Variants in TOPBP1 observed in about 807,000 individuals in gnomAD.
TOPBP1 encodes the protein DNA topoisomerase II binding protein 1, also known as DNA topoisomerase 2-binding protein 1.
In TOPBP1, 28 loss-of-function variants were observed where a neutral mutation model predicts 167.7. That is an observed-to-expected ratio of 0.17 (90% CI 0.12 to 0.23). The LOEUF is 0.23. TOPBP1 is among the 10% of genes least tolerant of loss of function. TOPBP1 has a pLI of 1.00. For synonymous variants in TOPBP1, 598 were observed against 611.4 expected, an observed-to-expected ratio of 0.98 and a Z score of 0.32; for missense variants, 1,554 against 1,809.6, an observed-to-expected ratio of 0.86 and a Z score of 2.56.
chr3:133,617,188 G>C lies in TOPBP1; in HGVS notation c.3731C>G (p.Pro1244Arg), dbSNP rs760050979. The change falls in exon 22 of 28, where the codon CCC becomes CGC. Residue 1244 changes from proline to arginine, a missense_variant. Transcript: ENST00000260810. The stretch of plus-strand genomic sequence containing the variant: ...TTCTCTAGGGTGCGGAGCCACAGGG[G>C]GGTTGGCGAGTGGAAAGGCAATACT... ...APSIAFPLAN[P>R]PVAPHPREKI... 1.9e-6 allele frequency: 3 copies of C among 1,613,360 alleles called. No individual in the cohort carries two copies. Among genetic ancestry groups the C allele is most frequent in the East Asian group, 4.5e-5 (2 of 44,864 alleles).
At position 133,656,666 on chromosome 3, in the gene TOPBP1, T is replaced by A. The variant is rs780198069; in HGVS notation, c.545+10A>T. 3 of 1,576,038 alleles carry A rather than the reference T, an allele frequency of 1.9e-6. No homozygotes were observed. The highest frequency in any genetic ancestry group is 2.6e-6 in the Non-Finnish European group (3 of 1,164,588). On this transcript the variant is annotated intron_variant, in intron 5 of 27. Coordinates refer to ENST00000260810, the MANE Select transcript of TOPBP1 (RefSeq NM_007027.4). Reference sequence around the variant, plus strand: ...TTCAAATCTAGAAAATATAAAAATGTCTTTCTTACTTCTCTTGTGACTTCT... The same window carrying A: ...TTCAAATCTAGAAAATATAAAAATGACTTTCTTACTTCTCTTGTGACTTCT...
At chr3:133,656,025 T>A (rs1337268503) in intron 5 of TOPBP1, among the ~76,000 whole-genome samples, 1 of 151,514 alleles carries the variant, frequency 6.6e-6, no homozygotes, top group East Asian at 1.9e-4. Flanking sequence ...CCCAGAAAAG[T>A]GCCGATATAA....
chr3:133,627,208 T>G (rs1409806215), intron 16 of TOPBP1, among the ~76,000 whole-genome samples: 1 of 152,236 alleles, frequency 6.6e-6, no homozygotes, highest in Non-Finnish European at 1.5e-5. Flanking sequence ...TTTTTTATAC[T>G]GAGAGGACTG....
intron 27 of TOPBP1, among the ~76,000 whole-genome samples, chr3:133,603,184 C>T (rs574907184): frequency 6.6e-6 from 1 of 152,284 alleles, no homozygotes; most frequent in East Asian, 1.9e-4. Context: ...GCGTGAGCCA[C>T]CATGCCCGGC....
intron 12 of TOPBP1, 130 bp from the exon 13 acceptor site, chr3:133,640,300 G>C (rs1400332907): frequency 1.3e-6 from 1 of 789,032 alleles, no homozygotes; most frequent in African/African-American, 1.8e-5. Context: ...TTAAAAGTTG[G>C]TTTACTCTAT....
chr3:133,606,584 T>C (rs1159756529), intron 27 of TOPBP1, among the ~76,000 whole-genome samples: 1 of 149,898 alleles, frequency 6.7e-6, no homozygotes, highest in Non-Finnish European at 1.5e-5. Context: ...CTAAATAACC[T>C]TGAAAAAGAC....
chr3:133,632,120 T>A (rs1559819611), intron 14 of TOPBP1, among the ~76,000 whole-genome samples: 2 of 151,988 alleles, frequency 1.3e-5, no homozygotes, highest in African/African-American at 4.8e-5. Context: ...CTTTTCTTTA[T>A]AAAGTTGGAC....
chr3:133,647,791 G>A (rs975956692), intron 10 of TOPBP1, among the ~76,000 whole-genome samples: 5 of 152,242 alleles, frequency 3.3e-5, no homozygotes, highest in Admixed American at 1.3e-4. Context: ...GGCAATAGCG[G>A]AAGAGATGAT....
chr3:133,623,585 A>G, intron 17 of TOPBP1, 128 bp from the exon 18 acceptor site: 3 of 1,111,710 alleles, frequency 2.7e-6, no homozygotes, highest in Non-Finnish European at 3.6e-6. Context: ...ACTGGTTTGA[A>G]AAGTAGTTTA....
intron 14 of TOPBP1, among the ~76,000 whole-genome samples, chr3:133,632,110 C>T (rs562069058): frequency 6.6e-6 from 1 of 152,134 alleles, no homozygotes; most frequent in South Asian, 2.1e-4. Context: ...AATTAAACCT[C>T]TTTTCTTTAT....
At position 133,609,007 on chromosome 3, in the gene TOPBP1, C is replaced by A. The variant is rs11928735; in HGVS notation, c.4174-45G>T. The stretch of plus-strand genomic sequence containing the variant: ...AGTGGTGAAATCATTTGGAAAATAA[C>A]AAAATAATACAGATAATGCATGATT... On this transcript the variant is annotated intron_variant, in intron 25 of 27. Coordinates refer to ENST00000260810, the MANE Select transcript of TOPBP1 (RefSeq NM_007027.4). 2,626 of 1,413,624 alleles carry A rather than the reference C, an allele frequency of 1.9e-3. 46 individuals are homozygous for A. The African/African-American group carries it at 0.033, about 18-fold the overall frequency. 87.6% of individuals were successfully genotyped at this position (1,413,624 alleles called of 1,614,324 possible). A position where few individuals can be genotyped will look rare whatever the true frequency, so the allele number is the denominator to read the frequency against.
At chr3:133,647,513 G>A (rs755064881) in intron 10 of TOPBP1, among the ~76,000 whole-genome samples, 3 of 152,112 alleles carry the variant, frequency 2.0e-5, no homozygotes, top group Admixed American at 2.0e-4. Context: ...CAGATGTTTT[G>A]ATAGGTTTAA....
chr3:133,658,885 C>A, intron 3 of TOPBP1, 131 bp downstream of exon 3: 5 of 1,032,138 alleles, frequency 4.8e-6, no homozygotes, highest in Non-Finnish European at 5.3e-6. Flanking sequence ...CCTGGTCTTG[C>A]CAAACCAAAA....
intron 14 of TOPBP1, among the ~76,000 whole-genome samples, chr3:133,633,778 G>A (rs1459824790): frequency 6.6e-6 from 1 of 152,148 alleles, no homozygotes; most frequent in African/African-American, 2.4e-5. Context: ...ACGACACAGC[G>A]AGACCTTGTC....
At chr3:133,632,936 C>A (rs1210975859) in intron 14 of TOPBP1, among the ~76,000 whole-genome samples, 3 of 152,128 alleles carry the variant, frequency 2.0e-5, no homozygotes, top group African/African-American at 4.8e-5. Flanking sequence ...CCACACCCAG[C>A]TAATTTTTGT....
In TOPBP1 at chr3:133,654,173, C is replaced by T. The variant is rs1169347210; in HGVS notation, c.743-649G>A. The stretch of plus-strand genomic sequence containing the variant: ...TGGACTTGGGTTTGCATATAGGCTC[C>T]ATCACTTAATTTCTTTAAACCAGCT... On this transcript the variant is annotated intron_variant, in intron 6 of 27. Coordinates refer to ENST00000260810, the MANE Select transcript of TOPBP1 (RefSeq NM_007027.4). Among the ~76,000 whole-genome samples, 5 of 152,128 alleles carry T rather than the reference C, an allele frequency of 3.3e-5. No individual in the cohort carries two copies. The South Asian group carries it at 8.3e-4, about 25-fold the overall frequency.
chr3:133,644,290 G>T lies in TOPBP1; in HGVS notation c.1578C>A (p.His526Gln), dbSNP rs200625341. 2.4e-4 allele frequency: 394 copies of T among 1,613,606 alleles called. No individual in the cohort carries two copies. The highest frequency in any genetic ancestry group is 3.2e-4 in the Non-Finnish European group (379 of 1,179,782). The stretch of plus-strand genomic sequence containing the variant: ...ACTGGTTTTCTTCTTGCAAAGAAAT[G>T]TGAGTAGAATCATTCAAGGGCTCAG... Reference protein sequence around the residue: ...THAEPLNDSTHISLQEENQSS... With the variant: ...THAEPLNDSTQISLQEENQSS... Residue 526 changes from histidine to glutamine, a missense_variant, in exon 11 of 28, where the codon CAC becomes CAA. This residue lies in a region of TOPBP1 where 1,197 missense variants were observed against 1,351.5 expected (regional missense o/e 0.89). Coordinates refer to ENST00000260810, the MANE Select transcript of TOPBP1 (RefSeq NM_007027.4).
At chr3:133,658,512 C>T (rs1309333943) in intron 3 of TOPBP1, among the ~76,000 whole-genome samples, 1 of 151,682 alleles carries the variant, frequency 6.6e-6, no homozygotes, top group Non-Finnish European at 1.5e-5. Context: ...TTCAAAAGCC[C>T]CTTTCACTGA....
chr3:133,633,101 C>A (rs917895782), intron 14 of TOPBP1, among the ~76,000 whole-genome samples: 3 of 152,134 alleles, frequency 2.0e-5, no homozygotes, highest in Non-Finnish European at 4.4e-5. Context: ...AGAAAACAAC[C>A]TTCTTTTGAC....
Sources: allele counts gnomAD v4.1 joint callset (sites outside exome capture counted in the v4.1 genomes callset), GRCh38; gene constraint gnomAD v4.1.1; regional missense constraint gnomAD v4.1.1; transcripts MANE v1.5; gene names NCBI Gene and HGNC (gene_info 2026-07-23, HGNC 2026-07-21).